The following IQGAP2 variants were observed in gnomAD, a reference collection of about 807,000 sequenced individuals.
IQGAP2 encodes IQ motif containing GTPase activating protein 2, also known as ras GTPase-activating-like protein IQGAP2.
Under a neutral mutation model 201.3 loss-of-function variants are expected in IQGAP2, and 173 were observed. The ratio of observed to expected loss-of-function variants is 0.86; its 90% CI spans 0.76 to 0.98. The LOEUF (loss-of-function observed/expected upper bound fraction) is 0.98. Among genes scored for constraint, IQGAP2 ranks in the 50% least tolerant of loss-of-function variants. IQGAP2 has a pLI of 0.00. For missense variants in IQGAP2, 1,687 were observed against 1,864.8 expected (o/e 0.90, Z 1.76); for synonymous variants, 675 against 673.9 (o/e 1.00, Z -0.03).
chr5:76,464,490 T>C (rs1288426307), intron 2 of IQGAP2, among the ~76,000 whole-genome samples: 3 of 152,228 alleles, frequency 2.0e-5, no homozygotes, highest in Non-Finnish European at 2.9e-5. Context: ...TAGGAAGTGT[T>C]TCTTGTTTCT....
At chr5:76,406,099 A>G (rs1344776823) in intron 1 of IQGAP2, among the ~76,000 whole-genome samples, 2 of 152,190 alleles carry the variant, frequency 1.3e-5, no homozygotes, top group Non-Finnish European at 2.9e-5. Context: ...TTAATTCAGT[A>G]GTTCTTACAC....
At chr5:76,531,462 G>T (rs1337023403) in intron 2 of IQGAP2, among the ~76,000 whole-genome samples, 2 of 152,112 alleles carry the variant, frequency 1.3e-5, no homozygotes. Context: ...ACAGGGTTTT[G>T]CTATGTTGTC....
intron 34 of IQGAP2, 103 bp downstream of exon 34, chr5:76,701,316 G>A: frequency 9.5e-7 from 1 of 1,056,260 alleles, no homozygotes; most frequent in Non-Finnish European, 1.4e-6. Context: ...CTCAATTACT[G>A]ATGGGTGACA....
In IQGAP2 at chr5:76,570,498, T is replaced by C. The variant is rs1745035690; in HGVS notation, c.304-82T>C. 3 of 891,392 alleles carry C rather than the reference T, an allele frequency of 3.4e-6. No individual in the cohort carries two copies. The Admixed American group carries it at 5.4e-5, about 16-fold the overall frequency. 55.2% of individuals were successfully genotyped at this position (891,392 alleles called of 1,614,324 possible). On this transcript the variant is annotated intron_variant, in intron 3 of 35. Transcript: ENST00000274364. Reference sequence around the variant, plus strand: ...GGAGAAATACAATTGAAAAGCATCCTGTACATGAAAAAAGTTATTGCAAAT... The same window carrying C: ...GGAGAAATACAATTGAAAAGCATCCCGTACATGAAAAAAGTTATTGCAAAT...
rs111363389 is a variant in IQGAP2 at position 76,529,735 on chromosome 5, T to C, written c.147-32661T>C. Reference sequence around the variant, plus strand: ...TCATAAGACTTGAAATTGGGGGAAATTGGAAGAGATTAATTCCTGTCCTTT... The same window carrying C: ...TCATAAGACTTGAAATTGGGGGAAACTGGAAGAGATTAATTCCTGTCCTTT... On this transcript the variant is annotated intron_variant, in intron 2 of 35. Coordinates refer to ENST00000274364, the MANE Select transcript of IQGAP2 (RefSeq NM_006633.5). Among the ~76,000 whole-genome samples the C allele has an allele frequency of 7.9e-3, 1,198 of 151,444 alleles. 18 individuals carry two copies. Among genetic ancestry groups the C allele is most frequent in the African/African-American group, 0.026 (1,059 of 41,356 alleles).
intron 1 of IQGAP2, among the ~76,000 whole-genome samples, chr5:76,445,409 T>C (rs962899533): frequency 6.6e-6 from 1 of 151,892 alleles, no homozygotes; most frequent in Non-Finnish European, 1.5e-5. Flanking sequence ...GCACCTGGCA[T>C]ATAGAACATG....
chr5:76,619,500 T>G (rs1021906517), intron 13 of IQGAP2, among the ~76,000 whole-genome samples: 2 of 150,774 alleles, frequency 1.3e-5, no homozygotes, highest in Non-Finnish European at 2.9e-5. Flanking sequence ...AGATCTAACT[T>G]AGTTAAGGAT....
intron 3 of IQGAP2, among the ~76,000 whole-genome samples, chr5:76,566,148 C>T (rs753534202): frequency 4.6e-5 from 7 of 152,166 alleles, no homozygotes; most frequent in South Asian, 2.1e-4. Flanking sequence ...CTATTCTAGG[C>T]ACTAATGGCA....
intron 15 of IQGAP2, among the ~76,000 whole-genome samples, chr5:76,635,569 G>A (rs1036907945): frequency 1.3e-5 from 2 of 152,176 alleles, no homozygotes; most frequent in African/African-American, 4.8e-5. Context: ...TTGGCTGGTT[G>A]TGGTGGTTCA....
intron 1 of IQGAP2, among the ~76,000 whole-genome samples, chr5:76,423,726 G>A (rs1166531142): frequency 2.6e-5 from 4 of 152,194 alleles, no homozygotes; most frequent in Admixed American, 1.3e-4. Context: ...AGATATGCAA[G>A]AAAGGATTTA....
intron 2 of IQGAP2, among the ~76,000 whole-genome samples, chr5:76,478,350 G>A (rs528008962): frequency 3.9e-5 from 6 of 152,232 alleles, no homozygotes; most frequent in Admixed American, 1.3e-4. Context: ...GCAGTGAGCC[G>A]AGATCGTGCC....
intron 2 of IQGAP2, among the ~76,000 whole-genome samples, chr5:76,522,182 AT>A (rs11400963): frequency 3.4e-4 from 49 of 144,706 alleles, no homozygotes; most frequent in Middle Eastern, 3.6e-3. Context: ...TATCCCTAGA[AT>A]TTTTTTTTTT....
chr5:76,448,115 G>T (rs1753513465), intron 1 of IQGAP2, among the ~76,000 whole-genome samples: 1 of 152,196 alleles, frequency 6.6e-6, no homozygotes, highest in African/African-American at 2.4e-5. Context: ...TCAGACTGCT[G>T]CATGGCTGTG....
chr5:76,582,393 A>G lies in IQGAP2; in HGVS notation c.459-6513A>G, dbSNP rs77289173. On this transcript the variant is annotated intron_variant, in intron 5 of 35. Transcript: ENST00000274364. Reference sequence around the variant, plus strand: ...GTAGTCTAAGTCATTCATTTCACAGATAAGGGAACTGAAAGCTTGGGTTAC... The same window carrying G: ...GTAGTCTAAGTCATTCATTTCACAGGTAAGGGAACTGAAAGCTTGGGTTAC... 2.0e-3 allele frequency among the ~76,000 whole-genome samples: 304 copies of G among 152,310 alleles called. 1 individual carries two copies. The East Asian group carries it at 0.025, about 12-fold the overall frequency.
At chr5:76,424,688 ACT>A (rs1244256463) in intron 1 of IQGAP2, among the ~76,000 whole-genome samples, 1 of 151,888 alleles carries the variant, frequency 6.6e-6, no homozygotes, top group Non-Finnish European at 1.5e-5. Flanking sequence ...GAGTGGTTGG[ACT>A]CCTCTCTGCC....
rs541925663 is a variant in IQGAP2, at chr5:76,512,858, C to T, written c.147-49538C>T. On this transcript the variant is annotated intron_variant, in intron 2 of 35. Transcript: ENST00000274364. ...GATCACGAGGTCAGTAGTTCGAGAC[C>T]AGCCTGGCCAACATGGCAAAACCCC... is the stretch of plus-strand genomic sequence containing the variant. Among the ~76,000 whole-genome samples, 5 of 152,214 alleles carry T rather than the reference C, an allele frequency of 3.3e-5. No individual in the cohort carries two copies. The South Asian group carries it at 6.2e-4, about 19-fold the overall frequency.
intron 32 of IQGAP2, among the ~76,000 whole-genome samples, chr5:76,697,377 C>A (rs1306467502): frequency 6.6e-6 from 1 of 152,220 alleles, no homozygotes; most frequent in Non-Finnish European, 1.5e-5. Context: ...GGCACAATGT[C>A]TCATGCCTAT....
At chr5:76,654,562 A>G (rs1030049176) in intron 19 of IQGAP2, among the ~76,000 whole-genome samples, 1 of 152,244 alleles carries the variant, frequency 6.6e-6, no homozygotes. Context: ...AGCATTACAT[A>G]TGTAGTTTTT....
intron 27 of IQGAP2, among the ~76,000 whole-genome samples, chr5:76,675,168 A>G (rs1262215148): frequency 6.6e-6 from 1 of 152,174 alleles, no homozygotes; most frequent in Non-Finnish European, 1.5e-5. Flanking sequence ...GCTCGGGTCT[A>G]TTTATATATG....
Sources: gnomAD v4.1 joint callset for allele counts (sites outside exome capture counted in the v4.1 genomes callset) on GRCh38, gnomAD v4.1.1 for gene constraint, MANE v1.5 for transcripts, NCBI Gene and HGNC (gene_info 2026-07-23, HGNC 2026-07-21) for gene names.